The following JDP2 variants were observed in gnomAD, a reference collection of about 807,000 sequenced individuals.
JDP2 encodes the protein Jun dimerization protein 2.
JDP2 carries 9 observed loss-of-function variants against 17.1 expected under a neutral mutation model. The observed-to-expected ratio is 0.53, with a 90% CI of 0.32 to 0.92. JDP2 has a LOEUF of 0.92. Among genes scored for constraint, JDP2 ranks in the 40% least tolerant of loss-of-function variants. JDP2 has a pLI of 0.04. For missense variants in JDP2, 179 were observed against 220.0 expected (o/e 0.81, Z 1.18); for synonymous variants, 107 against 95.6 (o/e 1.12, Z -0.69).
intron 2 of JDP2, among the ~76,000 whole-genome samples, chr14:75,460,504 G>A (rs950174579): frequency 6.6e-6 from 1 of 152,246 alleles, no homozygotes; most frequent in African/African-American, 2.4e-5. Context: ...GAAGGTGGCA[G>A]TGGAATGTGG....
chr14:75,451,412 G>A (rs1178533639), intron 2 of JDP2, among the ~76,000 whole-genome samples: 1 of 152,148 alleles, frequency 6.6e-6, no homozygotes, highest in African/African-American at 2.4e-5. Flanking sequence ...CGGGGGTGTG[G>A]GGAGGCAGGT....
In JDP2 at chr14:75,469,784, C is replaced by T. The variant is rs928205481; in HGVS notation, c.*309C>T. The T allele has an allele frequency of 3.8e-5, 11 of 291,180 alleles. No individual in the cohort carries two copies. Among genetic ancestry groups the T allele is most frequent in the South Asian group, 1.1e-4 (2 of 17,896 alleles). The allele number at this position is 291,180 out of a possible 1,614,324, so 18.0% of individuals were successfully genotyped here. ...GCACCGAGGCCAGGGAGACGCCCAA[C>T]GAGGCAGCCCTGGGCTCTTCTCTGG... is the stretch of plus-strand genomic sequence containing the variant. On this transcript the variant is annotated 3_prime_UTR_variant, in exon 4 of 4. Transcript: ENST00000651602.
chr14:75,472,739 T>C lies in JDP2; in HGVS notation c.*3264T>C, dbSNP rs1186956537. 1 of 152,260 alleles carries C rather than the reference T, an allele frequency of 6.6e-6. No homozygotes were observed. The highest frequency in any genetic ancestry group is 2.4e-5 in the African/African-American group (1 of 41,466). 9.4% of individuals were successfully genotyped at this position (152,260 alleles called of 1,614,324 possible). On this transcript the variant is annotated 3_prime_UTR_variant, in exon 4 of 4. Transcript: ENST00000651602. ...CTGTTAGTGTCGGTAGTTATTGATATCTACATAGTACAGGTTATTTAAATA... is the reference window on the plus strand; with the variant it reads ...CTGTTAGTGTCGGTAGTTATTGATACCTACATAGTACAGGTTATTTAAATA...
At chr14:75,463,602 A>G (rs1209831998) in intron 3 of JDP2, among the ~76,000 whole-genome samples, 1 of 152,208 alleles carries the variant, frequency 6.6e-6, no homozygotes, top group African/African-American at 2.4e-5. Flanking sequence ...CAGACATAAA[A>G]GAGGAGTAGG....
chr14:75,451,065 A>G (rs1295488232), intron 2 of JDP2, among the ~76,000 whole-genome samples: 1 of 152,214 alleles, frequency 6.6e-6, no homozygotes, highest in Non-Finnish European at 1.5e-5. Context: ...TTTCAGGAGC[A>G]TAGAGCGGAA....
chr14:75,439,653 A>T (rs145432060), intron 2 of JDP2, among the ~76,000 whole-genome samples: 539 of 152,294 alleles, frequency 3.5e-3, no homozygotes, highest in Non-Finnish European at 6.5e-3. Context: ...CCTACTAAAG[A>T]CTGTGGATTA....
chr14:75,455,007 G>C (rs1566744244), intron 2 of JDP2, among the ~76,000 whole-genome samples: 1 of 152,150 alleles, frequency 6.6e-6, no homozygotes, highest in East Asian at 1.9e-4. Context: ...CTTGGACCAG[G>C]CTGGAGGCAG....
At chr14:75,454,002 GTC>G (rs1346688959) in intron 2 of JDP2, among the ~76,000 whole-genome samples, 1 of 152,010 alleles carries the variant, frequency 6.6e-6, no homozygotes, top group Admixed American at 6.5e-5. Flanking sequence ...TTCTCATTCT[GTC>G]TCTCTGTGGG....
At chr14:75,468,461 T>C (rs11848842) in intron 3 of JDP2, among the ~76,000 whole-genome samples, 6,333 of 152,184 alleles carry the variant, frequency 0.042, 423 homozygotes, top group African/African-American at 0.14. Context: ...TCAGATGCTG[T>C]TTTACTGTTC....
chr14:75,439,787 C>T (rs544084564), intron 2 of JDP2, among the ~76,000 whole-genome samples: 91 of 152,246 alleles, frequency 6.0e-4, no homozygotes, highest in Non-Finnish European at 1.0e-3. Flanking sequence ...GTCTTTTGGC[C>T]CTCTGCTCCT....
chr14:75,448,776 C>A (rs913438665), intron 2 of JDP2, among the ~76,000 whole-genome samples: 3 of 152,150 alleles, frequency 2.0e-5, no homozygotes, highest in Non-Finnish European at 4.4e-5. Flanking sequence ...TGTTCTCATG[C>A]CAAAGGAACC....
At chr14:75,467,620 G>A (rs1439870771) in intron 3 of JDP2, among the ~76,000 whole-genome samples, 1 of 152,164 alleles carries the variant, frequency 6.6e-6, no homozygotes, top group African/African-American at 2.4e-5. Context: ...TGGTCAGAGG[G>A]TTTGTGAGAA....
chr14:75,445,272 C>T (rs751431420), intron 2 of JDP2: 72 of 985,304 alleles, frequency 7.3e-5, no homozygotes, highest in Admixed American at 3.1e-4. Flanking sequence ...TGGATTCAGG[C>T]GGGATGTGAA....
intron 1 of JDP2, among the ~76,000 whole-genome samples, chr14:75,436,224 C>G (rs574824031): frequency 2.0e-5 from 3 of 150,398 alleles, no homozygotes; most frequent in East Asian, 3.9e-4. Flanking sequence ...ATGATCTAGA[C>G]CTGGGAAGCT....
At chr14:75,434,955 G>T (rs1273906691) in intron 1 of JDP2, among the ~76,000 whole-genome samples, 1 of 152,208 alleles carries the variant, frequency 6.6e-6, no homozygotes. Context: ...TATTATTGAT[G>T]ATGCTTTCTG....
chr14:75,470,840 A>G lies in JDP2; in HGVS notation c.*1365A>G, dbSNP rs535721087. The G allele has an allele frequency of 4.6e-5, 7 of 152,362 alleles. No individual in the cohort carries two copies. The highest frequency in any genetic ancestry group is 1.7e-4 in the African/African-American group (7 of 41,584). 9.4% of individuals were successfully genotyped at this position (152,362 alleles called of 1,614,324 possible). ...AACAGCACTTGTCCCCAATTCACAG[A>G]TGGCGAATTAGAGGTCCAGGGAATT... On this transcript the variant is annotated 3_prime_UTR_variant, in exon 4 of 4. Transcript: ENST00000651602.
chr14:75,473,852 A>G lies in JDP2; in HGVS notation c.*4377A>G, dbSNP rs1322282332. The G allele has an allele frequency of 6.6e-6, 1 of 152,236 alleles. No individual in the cohort carries two copies. The highest frequency in any genetic ancestry group is 2.4e-5 in the African/African-American group (1 of 41,458). The allele number at this position is 152,236 out of a possible 1,614,324, so 9.4% of individuals were successfully genotyped here. On this transcript the variant is annotated 3_prime_UTR_variant, in exon 4 of 4. Transcript: ENST00000651602. ...GCACAAGAATGCTGTCAATATCACA[A>G]TCAGTCATAGGGAGTGCTCCTGGGA... is the stretch of plus-strand genomic sequence containing the variant.
intron 2 of JDP2, among the ~76,000 whole-genome samples, chr14:75,448,121 CTT>C (rs1885689939): frequency 6.6e-6 from 1 of 152,050 alleles, no homozygotes; most frequent in Non-Finnish European, 1.5e-5. Context: ...GCCAAAACAT[CTT>C]TTTGTTCTCA....
chr14:75,432,988 G>A (rs906336881), intron 1 of JDP2, among the ~76,000 whole-genome samples: 1 of 151,752 alleles, frequency 6.6e-6, no homozygotes, highest in Non-Finnish European at 1.5e-5. Flanking sequence ...GATCACCTGA[G>A]GTTGGGAGTT....
Sources: allele counts gnomAD v4.1 joint callset (sites outside exome capture counted in the v4.1 genomes callset), GRCh38; gene constraint gnomAD v4.1.1; transcripts MANE v1.5; gene names NCBI Gene and HGNC (gene_info 2026-07-23, HGNC 2026-07-21).